The following SCYL3 variants were observed in gnomAD, a reference collection of about 807,000 sequenced individuals.
SCYL3 encodes protein-associating with the carboxyl-terminal domain of ezrin.
A neutral mutation model predicts 73.8 loss-of-function variants in SCYL3; 35 were observed. The ratio of observed to expected loss-of-function variants is 0.47; its 90% confidence interval spans 0.36 to 0.63. SCYL3 has a LOEUF of 0.63. Among genes scored for constraint, SCYL3 ranks in the 20% least tolerant of loss-of-function variants. The pLI, the probability that SCYL3 is intolerant of heterozygous loss-of-function variation, is 0.00. For synonymous variants in SCYL3, 277 were observed against 295.2 expected, an observed-to-expected ratio of 0.94 and a Z score of 0.63; for missense variants, 712 against 798.9, an observed-to-expected ratio of 0.89 and a Z score of 1.31.
intron 5 of SCYL3, 62 bp downstream of exon 5, chr1:169,873,634 T>C: frequency 8.4e-7 from 1 of 1,195,560 alleles, no homozygotes; most frequent in Non-Finnish European, 1.2e-6. Flanking sequence ...GGAAAGTTTT[T>C]TAAAATTTCA....
intron 7 of SCYL3, among the ~76,000 whole-genome samples, chr1:169,868,081 A>G (rs1278796247): frequency 6.6e-6 from 1 of 152,186 alleles, no homozygotes; most frequent in African/African-American, 2.4e-5. Flanking sequence ...TCATAATGGG[A>G]AAGTTTTGAA....
At chr1:169,858,848 T>C (rs1659404880) in intron 11 of SCYL3, among the ~76,000 whole-genome samples, 193 bp downstream of exon 11, 1 of 152,122 alleles carries the variant, frequency 6.6e-6, no homozygotes, top group African/African-American at 2.4e-5. Context: ...GTGTGTCTTT[T>C]TGCAAGCTTA....
intron 1 of SCYL3, among the ~76,000 whole-genome samples, chr1:169,890,693 CTGAGAA>C (rs1381118536): frequency 1.3e-5 from 2 of 152,180 alleles, no homozygotes; most frequent in Non-Finnish European, 2.9e-5. Flanking sequence ...AAAAATGTTG[CTGAGAA>C]TAAGAACTAA....
intron 1 of SCYL3, among the ~76,000 whole-genome samples, chr1:169,892,420 G>A (rs1463377654): frequency 6.6e-6 from 1 of 152,116 alleles, no homozygotes; most frequent in Non-Finnish European, 1.5e-5. Context: ...CACCATGCCC[G>A]CCAGTGCTTT....
intron 1 of SCYL3, among the ~76,000 whole-genome samples, chr1:169,889,135 AC>A (rs1450079010): frequency 1.3e-5 from 2 of 152,214 alleles, no homozygotes; most frequent in African/African-American, 4.8e-5. Context: ...CCCAAACTCC[AC>A]CACATACAAA....
intron 8 of SCYL3, among the ~76,000 whole-genome samples, chr1:169,865,288 C>T (rs564497473): frequency 4.6e-5 from 7 of 152,260 alleles, no homozygotes; most frequent in African/African-American, 1.7e-4. Flanking sequence ...ATACAATCAC[C>T]CTTAGCAGAT....
At chr1:169,868,869 A>C (rs1170133892) in intron 7 of SCYL3, 59 bp downstream of exon 7, 2 of 1,262,186 alleles carry the variant, frequency 1.6e-6, no homozygotes, top group Admixed American at 1.8e-5. Context: ...TATCCAAGGC[A>C]CAAGAGCAGG....
At chr1:169,862,913 A>G in intron 9 of SCYL3, 116 bp from the exon 10 acceptor site, 2 of 995,802 alleles carry the variant, frequency 2.0e-6, no homozygotes. Flanking sequence ...TACTCTTCTA[A>G]ATTCTTTTTT....
chr1:169,869,574 C>T (rs17543730), intron 6 of SCYL3, among the ~76,000 whole-genome samples: 10,133 of 152,206 alleles, frequency 0.067, 435 homozygotes, highest in Non-Finnish European at 0.099. Flanking sequence ...CAGAATAAAC[C>T]GCATTAGAAC....
Position 169,862,603 on chromosome 1 carries a change from G to A in SCYL3, c.1140+10C>T. 1.2e-6 allele frequency: 2 copies of A among 1,613,556 alleles called. No individual in the cohort carries two copies. The highest frequency in any genetic ancestry group is 8.5e-7 in the Non-Finnish European group (1 of 1,179,558). On this transcript the variant is annotated intron_variant, in intron 10 of 12. Transcript: ENST00000367771. Reference sequence around the variant, plus strand: ...TCTGTGACTACCCCACTGCAAACTTGGCCTCTGACCTGTGGCAAGATGACT... The same window carrying A: ...TCTGTGACTACCCCACTGCAAACTTAGCCTCTGACCTGTGGCAAGATGACT...
At chr1:169,875,684 T>A (rs1660746445) in intron 4 of SCYL3, among the ~76,000 whole-genome samples, 1 of 152,212 alleles carries the variant, frequency 6.6e-6, no homozygotes, top group Non-Finnish European at 1.5e-5. Flanking sequence ...TCCAAGTAAG[T>A]ACAAGGTACT....
intron 8 of SCYL3, among the ~76,000 whole-genome samples, chr1:169,865,668 G>A (rs1659985590): frequency 6.6e-6 from 1 of 152,112 alleles, no homozygotes; most frequent in South Asian, 2.1e-4. Context: ...TTTCTCCAGT[G>A]TCTTTCTCAC....
At chr1:169,855,837 T>C in intron 11 of SCYL3, 1 of 1,613,922 alleles carries the variant, frequency 6.2e-7, no homozygotes, top group South Asian at 1.1e-5. Context: ...CTGTATGTGC[T>C]TCTTGCTGTT....
intron 6 of SCYL3, among the ~76,000 whole-genome samples, chr1:169,869,334 G>C (rs555495576): frequency 1.3e-5 from 2 of 152,328 alleles, no homozygotes; most frequent in East Asian, 3.9e-4. Flanking sequence ...AACAGTGATA[G>C]GTTTGAGGGT....
intron 9 of SCYL3, among the ~76,000 whole-genome samples, chr1:169,864,162 T>C (rs926821975): frequency 6.6e-6 from 1 of 152,198 alleles, no homozygotes; most frequent in Non-Finnish European, 1.5e-5. Flanking sequence ...CTATAGTAAA[T>C]TGGACTCTCT....
chr1:169,870,390 A>G, intron 5 of SCYL3, 33 bp from the exon 6 acceptor site: 8 of 1,443,782 alleles, frequency 5.5e-6, no homozygotes, highest in Non-Finnish European at 7.8e-6. Flanking sequence ...AAACTAGAGG[A>G]TCTGCCTTAT....
chr1:169,851,187 ATAATAGT>A lies in SCYL3; in HGVS notation c.*2519_*2525del, dbSNP rs1327412695. 1 of 152,590 alleles carries A rather than the reference ATAATAGT, an allele frequency of 6.6e-6. No individual in the cohort carries two copies. Among genetic ancestry groups the A allele is most frequent in the Non-Finnish European group, 1.5e-5 (1 of 67,884 alleles). 9.5% of individuals were successfully genotyped at this position (152,590 alleles called of 1,614,324 possible). A position where few individuals can be genotyped will look rare whatever the true frequency, so the allele number is the denominator to read the frequency against. On this transcript the variant is annotated 3_prime_UTR_variant, in exon 13 of 13. Coordinates refer to ENST00000367771, the MANE Select transcript of SCYL3 (RefSeq NM_020423.7). ...ATACTTGGGAACTTAGTGTGAGGAAATAATAGTTAATTGAAATACTAGTGGAACTGTT... is the reference window on the plus strand; with the variant it reads ...ATACTTGGGAACTTAGTGTGAGGAAATAATTGAAATACTAGTGGAACTGTT...
At chr1:169,892,113 T>C (rs1165060494) in intron 1 of SCYL3, among the ~76,000 whole-genome samples, 2 of 152,240 alleles carry the variant, frequency 1.3e-5, no homozygotes, top group African/African-American at 2.4e-5. Context: ...GATTATATTG[T>C]ATGTTCCCAG....
intron 4 of SCYL3, among the ~76,000 whole-genome samples, chr1:169,875,216 T>A (rs1558134397): frequency 6.6e-6 from 1 of 152,088 alleles, no homozygotes; most frequent in African/African-American, 2.4e-5. Context: ...CAAAAAAGAA[T>A]AGGGGAAATT....
Sources: allele counts gnomAD v4.1 joint callset (sites outside exome capture counted in the v4.1 genomes callset), GRCh38; gene constraint gnomAD v4.1.1; transcripts MANE v1.5; gene names NCBI Gene and HGNC (gene_info 2026-07-23, HGNC 2026-07-21).